RAB38: variants seen among roughly 807,000 people sequenced by gnomAD.
The protein encoded by RAB38 is ras-related protein Rab-38.
Under a neutral mutation model 18.4 loss-of-function variants are expected in RAB38, and 15 were observed. The observed-to-expected ratio is 0.82, with a 90% confidence interval of 0.55 to 1.26. The LOEUF is 1.26. RAB38 is among the 50% of genes most tolerant of loss of function. The pLI is 0.00. For synonymous variants in RAB38, 101 were observed against 104.4 expected, an observed-to-expected ratio of 0.97 and a Z score of 0.20; for missense variants, 294 against 267.4, an observed-to-expected ratio of 1.10 and a Z score of -0.69.
chr11:87,912,558 A>G, the RAB38 span, among the ~76,000 whole-genome samples: 1 of 151,856 alleles, frequency 6.6e-6, no homozygotes. Flanking sequence ...TATTCTTGAT[A>G]TTGGTAATTT....
At chr11:88,034,944 A>G in the RAB38 span, among the ~76,000 whole-genome samples, 1 of 152,252 alleles carries the variant, frequency 6.6e-6, no homozygotes, top group Non-Finnish European at 1.5e-5. Context: ...GGTTGCACCA[A>G]CTTTATACTT....
chr11:87,838,883 G>A, the RAB38 span, among the ~76,000 whole-genome samples: 1 of 152,242 alleles, frequency 6.6e-6, no homozygotes, highest in East Asian at 1.9e-4. Context: ...CTTACTTAAT[G>A]CTCATAACAA....
At chr11:87,978,114 A>T in the RAB38 span, among the ~76,000 whole-genome samples, 12 of 12,940 alleles carry the variant, frequency 9.3e-4, 2 homozygotes, top group Non-Finnish European at 1.5e-3. Context: ...CATATATAAA[A>T]ATATAGGTGT....
the RAB38 span, among the ~76,000 whole-genome samples, chr11:87,845,678 A>G: frequency 1.3e-5 from 2 of 152,184 alleles, no homozygotes; most frequent in African/African-American, 4.8e-5. Context: ...TCTTACATTT[A>G]TAAATTCAGA....
the RAB38 span, among the ~76,000 whole-genome samples, chr11:88,015,722 T>C: frequency 6.6e-6 from 1 of 152,160 alleles, no homozygotes; most frequent in Non-Finnish European, 1.5e-5. Flanking sequence ...AAAAGCTCCC[T>C]ATCAGCTGTT....
the RAB38 span, among the ~76,000 whole-genome samples, chr11:88,061,468 C>A: frequency 1.3e-5 from 2 of 152,074 alleles, no homozygotes; most frequent in African/African-American, 4.8e-5. Flanking sequence ...AGACTGTTTA[C>A]GTAACATAGA....
At chr11:87,956,935 C>T in the RAB38 span, among the ~76,000 whole-genome samples, 1 of 151,372 alleles carries the variant, frequency 6.6e-6, no homozygotes, top group Non-Finnish European at 1.5e-5. Context: ...GACATTTCTA[C>T]AGGACTGTCC....
the RAB38 span, among the ~76,000 whole-genome samples, chr11:88,093,559 CAATTCT>C: frequency 2.4e-3 from 362 of 151,828 alleles, 2 homozygotes; most frequent in Non-Finnish European, 2.6e-3. Flanking sequence ...AAATCTTTAC[CAATTCT>C]TACCAGGATT....
the RAB38 span, among the ~76,000 whole-genome samples, chr11:88,029,411 T>G: frequency 3.3e-5 from 5 of 151,616 alleles, no homozygotes; most frequent in South Asian, 2.1e-4. Flanking sequence ...GGCTAAATGC[T>G]CCAATTAAAA....
the RAB38 span, among the ~76,000 whole-genome samples, chr11:87,850,467 C>CGTGTGT: frequency 6.6e-6 from 1 of 151,028 alleles, no homozygotes; most frequent in East Asian, 1.9e-4. Flanking sequence ...AAGCAGAGAG[C>CGTGTGT]GTGTGTGTGT....
At chr11:88,164,505 G>A (rs1943225618) in intron 1 of RAB38, among the ~76,000 whole-genome samples, 1 of 152,050 alleles carries the variant, frequency 6.6e-6, no homozygotes, top group African/African-American at 2.4e-5. Context: ...ACGGTGGTAT[G>A]GTAGTGGCAT....
the RAB38 span, among the ~76,000 whole-genome samples, chr11:88,086,363 G>T: frequency 4.0e-5 from 6 of 151,868 alleles, no homozygotes; most frequent in Non-Finnish European, 7.4e-5. Context: ...TCTTGTGGAA[G>T]AATATGTTGT....
chr11:88,005,590 T>G, the RAB38 span, among the ~76,000 whole-genome samples: 2 of 151,406 alleles, frequency 1.3e-5, no homozygotes, highest in Non-Finnish European at 3.0e-5. Context: ...CAGAAGTTTT[T>G]TTTTTTAATT....
At chr11:88,085,542 T>C in the RAB38 span, among the ~76,000 whole-genome samples, 1 of 151,924 alleles carries the variant, frequency 6.6e-6, no homozygotes, top group Non-Finnish European at 1.5e-5. Context: ...TATTATGATA[T>C]GGCCTGAGAA....
the RAB38 span, among the ~76,000 whole-genome samples, chr11:87,867,081 C>G: frequency 6.6e-6 from 1 of 151,750 alleles, no homozygotes; most frequent in Non-Finnish European, 1.5e-5. Flanking sequence ...CCTGTTCTTG[C>G]TCTTCTCTGG....
the RAB38 span, among the ~76,000 whole-genome samples, chr11:88,032,798 T>C: frequency 1.3e-5 from 2 of 152,198 alleles, no homozygotes; most frequent in African/African-American, 4.8e-5. Flanking sequence ...ACTAGTTCAA[T>C]GATTGTGGAA....
At chr11:88,020,813 CAT>C in the RAB38 span, among the ~76,000 whole-genome samples, 1 of 151,940 alleles carries the variant, frequency 6.6e-6, no homozygotes, top group Non-Finnish European at 1.5e-5. Flanking sequence ...ATGATAAAAA[CAT>C]AAGGAAATTA....
the RAB38 span, among the ~76,000 whole-genome samples, chr11:88,003,903 T>C: frequency 1.9e-5 from 2 of 104,414 alleles, no homozygotes; most frequent in African/African-American, 3.8e-5. Flanking sequence ...TAAATATAAT[T>C]ATATATTTAT....
chr11:88,102,232 T>A, the RAB38 span, among the ~76,000 whole-genome samples: 1 of 151,962 alleles, frequency 6.6e-6, no homozygotes, highest in Non-Finnish European at 1.5e-5. Flanking sequence ...TCCAATACCA[T>A]AGCTTCAATA....
Sources: allele counts gnomAD v4.1 joint callset (sites outside exome capture counted in the v4.1 genomes callset), GRCh38; gene constraint gnomAD v4.1.1; transcripts MANE v1.5; gene names NCBI Gene and HGNC (gene_info 2026-07-23, HGNC 2026-07-21).